Variants in PLCB1 observed in about 807,000 individuals in gnomAD.
PLCB1 encodes 1-phosphatidylinositol 4,5-bisphosphate phosphodiesterase beta-1.
Under a neutral mutation model 161.8 loss-of-function variants are expected in PLCB1, and 46 were observed. That is an observed-to-expected ratio of 0.28 (90% CI 0.22 to 0.36). The LOEUF (loss-of-function observed/expected upper bound fraction) is 0.36, where lower values mean the gene tolerates loss of function less well. PLCB1 is among the 10% of genes least tolerant of loss of function. PLCB1 has a pLI of 1.00. For synonymous variants in PLCB1, 517 were observed against 503.7 expected, an observed-to-expected ratio of 1.03 and a Z score of -0.35; for missense variants, 1,016 against 1,472.5, an observed-to-expected ratio of 0.69 and a Z score of 5.07.
intron 2 of PLCB1, among the ~76,000 whole-genome samples, chr20:8,348,871 T>A (rs1986083929): frequency 6.6e-6 from 1 of 152,046 alleles, no homozygotes; most frequent in Non-Finnish European, 1.5e-5. Context: ...GAAATCAAAA[T>A]CAATCAAACA....
intron 3 of PLCB1, among the ~76,000 whole-genome samples, chr20:8,465,396 C>G (rs1981772674): frequency 6.6e-6 from 1 of 151,950 alleles, no homozygotes. Context: ...ACTTAGTGCT[C>G]AATTCATCAG....
chr20:8,714,745 A>C (rs549770098), intron 12 of PLCB1, among the ~76,000 whole-genome samples: 2 of 152,256 alleles, frequency 1.3e-5, no homozygotes, highest in African/African-American at 4.8e-5. Flanking sequence ...AAATCCTTTG[A>C]ATCTCTCCTT....
At chr20:8,296,910 A>G (rs773361191) in intron 2 of PLCB1, among the ~76,000 whole-genome samples, 5 of 152,258 alleles carry the variant, frequency 3.3e-5, no homozygotes, top group Non-Finnish European at 5.9e-5. Context: ...GGAAGATGAG[A>G]GAGTTTGAAA....
chr20:8,643,543 C>T (rs188666586), intron 4 of PLCB1, among the ~76,000 whole-genome samples: 116 of 152,074 alleles, frequency 7.6e-4, no homozygotes, highest in Non-Finnish European at 1.3e-4. Flanking sequence ...AGCGTATTAT[C>T]GGTGCCTTAA....
At chr20:8,235,800 GT>G (rs1370934937) in intron 2 of PLCB1, among the ~76,000 whole-genome samples, 2 of 151,898 alleles carry the variant, frequency 1.3e-5, no homozygotes, top group Non-Finnish European at 2.9e-5. Context: ...AAATGAGAAA[GT>G]TTTTTATGTC....
chr20:8,427,174 G>A (rs910842871), intron 3 of PLCB1, among the ~76,000 whole-genome samples: 2 of 152,126 alleles, frequency 1.3e-5, no homozygotes, highest in Non-Finnish European at 2.9e-5. Flanking sequence ...GCCTCCCAAA[G>A]TGCTGAGATT....
intron 3 of PLCB1, among the ~76,000 whole-genome samples, chr20:8,570,217 G>A (rs1986461620): frequency 6.6e-6 from 1 of 152,126 alleles, no homozygotes; most frequent in African/African-American, 2.4e-5. Flanking sequence ...TCAGCTACAA[G>A]CCTGTCGGTG....
At chr20:8,560,514 C>T (rs1348961399) in intron 3 of PLCB1, among the ~76,000 whole-genome samples, 1 of 152,018 alleles carries the variant, frequency 6.6e-6, no homozygotes, top group Non-Finnish European at 1.5e-5. Flanking sequence ...ATCAGAATCT[C>T]TGAGAATTGA....
intron 31 of PLCB1, among the ~76,000 whole-genome samples, chr20:8,844,588 G>A (rs1414362986): frequency 1.3e-5 from 2 of 151,826 alleles, no homozygotes; most frequent in Non-Finnish European, 2.9e-5. Context: ...TCAAAAAAAA[G>A]GACGGGGGAG....
chr20:8,229,884 A>AAAATT (rs1568598360), intron 2 of PLCB1, among the ~76,000 whole-genome samples: 83 of 36,236 alleles, frequency 2.3e-3, no homozygotes, highest in African/African-American at 0.011. Flanking sequence ...AAAATAAAAT[A>AAAATT]AAAATAAAAT....
At chr20:8,528,115 C>T (rs1448598829) in intron 3 of PLCB1, among the ~76,000 whole-genome samples, 4 of 152,016 alleles carry the variant, frequency 2.6e-5, no homozygotes, top group African/African-American at 4.8e-5. Context: ...AATGGTGCAG[C>T]CACTTTAGAG....
chr20:8,252,410 A>G (rs1008583649), intron 2 of PLCB1, among the ~76,000 whole-genome samples: 1 of 151,972 alleles, frequency 6.6e-6, no homozygotes, highest in Non-Finnish European at 1.5e-5. Context: ...ACTAACACCA[A>G]GAAAACTTCA....
At chr20:8,140,774 A>G (rs1210277298) in intron 1 of PLCB1, among the ~76,000 whole-genome samples, 2 of 152,100 alleles carry the variant, frequency 1.3e-5, no homozygotes, top group Non-Finnish European at 2.9e-5. Context: ...TTTAGTAACA[A>G]CAACAACAAC....
In PLCB1 at chr20:8,774,582, C is replaced by CAA. The variant is rs886820726; in HGVS notation, c.2975_2976dup (p.Asp993LysfsTer10). 1 of 1,613,764 alleles carries CAA rather than the reference C, an allele frequency of 6.2e-7. No homozygotes were observed. Among genetic ancestry groups the CAA allele is most frequent in the Non-Finnish European group, 8.5e-7 (1 of 1,179,756 alleles). On this transcript the variant is annotated frameshift_variant, in exon 27 of 32. Coordinates refer to ENST00000338037, the MANE Select transcript of PLCB1 (RefSeq NM_015192.4). LOFTEE classifies it high-confidence loss of function. Reference sequence around the variant, plus strand: ...TGATCATGGTTCATCAACGATTGAGCAAGACCTCGCTGCTCTGGATGCTGA... The same window carrying CAA: ...TGATCATGGTTCATCAACGATTGAGCAAAAGACCTCGCTGCTCTGGATGCTGA...
At chr20:8,794,814 A>G (rs1983937061) in intron 31 of PLCB1, among the ~76,000 whole-genome samples, 1 of 152,248 alleles carries the variant, frequency 6.6e-6, no homozygotes, top group African/African-American at 2.4e-5. Context: ...TGAAAGTAAC[A>G]AACAGATATT....
chr20:8,459,365 G>T (rs1981469305), intron 3 of PLCB1, among the ~76,000 whole-genome samples: 1 of 152,138 alleles, frequency 6.6e-6, no homozygotes, highest in South Asian at 2.1e-4. Context: ...TATTGAAGTT[G>T]AATGCTTAAT....
chr20:8,567,645 G>A (rs1232023045), intron 3 of PLCB1, among the ~76,000 whole-genome samples: 2 of 152,218 alleles, frequency 1.3e-5, no homozygotes, highest in South Asian at 2.1e-4. Flanking sequence ...ATCATTAGTA[G>A]TCGAAACTTC....
intron 13 of PLCB1, among the ~76,000 whole-genome samples, 198 bp downstream of exon 13, chr20:8,716,546 A>T (rs1979322183): frequency 1.3e-5 from 2 of 152,138 alleles, no homozygotes; most frequent in Non-Finnish European, 2.9e-5. Flanking sequence ...TCCTCTTCCC[A>T]CACTCTTCTC....
chr20:8,149,247 G>T (rs1031402084), intron 1 of PLCB1, among the ~76,000 whole-genome samples: 1 of 152,118 alleles, frequency 6.6e-6, no homozygotes, highest in Non-Finnish European at 1.5e-5. Context: ...AACCTTCTGA[G>T]TTAGGTATTA....
Sources: gnomAD v4.1 joint callset for allele counts (sites outside exome capture counted in the v4.1 genomes callset) on GRCh38, gnomAD v4.1.1 for gene constraint, MANE v1.5 for transcripts, NCBI Gene and HGNC (gene_info 2026-07-23, HGNC 2026-07-21) for gene names.